Variants in TRIP12 observed in about 807,000 individuals in gnomAD.
TRIP12 encodes thyroid hormone receptor interactor 12.
In TRIP12, 25 loss-of-function variants were observed where a neutral mutation model predicts 244.2. That is an observed-to-expected ratio of 0.10 (90% confidence interval 0.07 to 0.14). The LOEUF (loss-of-function observed/expected upper bound fraction) is 0.14. Ranked by LOEUF, TRIP12 falls within the 10% of genes least tolerant of loss-of-function variation. The pLI is 1.00. For missense variants in TRIP12, 1,677 were observed against 2,486.4 expected, an observed-to-expected ratio of 0.67 and a Z score of 6.92; for synonymous variants, 905 against 873.1, an observed-to-expected ratio of 1.04 and a Z score of -0.64.
At chr2:229,860,638 T>C (rs2060312631) in intron 2 of TRIP12, 107 bp from the exon 3 acceptor site, 2 of 1,044,566 alleles carry the variant, frequency 1.9e-6, no homozygotes, top group Non-Finnish European at 2.6e-6. Context: ...CACAATTCAT[T>C]GTTGACCCTA....
chr2:229,779,737 T>C (rs2037475433), intron 34 of TRIP12, among the ~76,000 whole-genome samples: 2 of 152,178 alleles, frequency 1.3e-5, no homozygotes, highest in Non-Finnish European at 2.9e-5. Flanking sequence ...AAGATTCTGA[T>C]CTGGCAGGTA....
chr2:229,811,181 A>G lies in TRIP12; in HGVS notation c.2010T>C (p.Thr670=). The change falls in exon 14 of 42, where the codon ACT becomes ACC. Residue 670 remains threonine, a synonymous_variant. Coordinates refer to ENST00000675903, the MANE Select transcript of TRIP12 (RefSeq NM_001348323.3). The part of the protein sequence containing the change: ...THQDKKSVES[T]CLCFARLVDN... ...CCACTAGGCGTGCAAAACAAAGGCA[A>G]GTGCTTTCTACTGACTTTTTATCCT... 6.2e-7 allele frequency: 1 copy of G among 1,614,036 alleles called. No individual in the cohort carries two copies. Among genetic ancestry groups the G allele is most frequent in the African/African-American group, 1.3e-5 (1 of 75,050 alleles).
chr2:229,842,692 C>T (rs1435996458), intron 4 of TRIP12, among the ~76,000 whole-genome samples: 1 of 139,768 alleles, frequency 7.2e-6, no homozygotes, highest in East Asian at 2.3e-4. Context: ...TTATACATAC[C>T]ATGATACAGT....
intron 2 of TRIP12, among the ~76,000 whole-genome samples, chr2:229,873,413 A>G (rs1026958301): frequency 1.3e-5 from 2 of 152,206 alleles, no homozygotes; most frequent in African/African-American, 2.4e-5. Flanking sequence ...AAACTGAAAA[A>G]AGTAGCCATG....
At chr2:229,785,148 A>G (rs2039598893) in intron 34 of TRIP12, among the ~76,000 whole-genome samples, 1 of 152,242 alleles carries the variant, frequency 6.6e-6, no homozygotes, top group South Asian at 2.1e-4. Flanking sequence ...TGCAACATGG[A>G]TGAATCTCAA....
intron 15 of TRIP12, among the ~76,000 whole-genome samples, chr2:229,809,545 C>T (rs544594438): frequency 2.0e-5 from 3 of 152,236 alleles, no homozygotes; most frequent in East Asian, 3.9e-4. Flanking sequence ...ACAAAACATA[C>T]ATTAACAAGA....
In TRIP12 at chr2:229,767,610, G is replaced by C; in HGVS notation, c.6148C>G (p.Arg2050Gly). ...CTTGCTGCTATCAACAGTTTTTCAC[G>C]CATTATCTCAATGCTTGAATAGTCC... Reference protein sequence around the residue: ...LPDYSSIEIMREKLLIAAREG... With the variant: ...LPDYSSIEIMGEKLLIAAREG... The change falls in exon 42 of 42, where the codon CGT becomes GGT. Residue 2050 changes from arginine (R) to glycine (G), a missense_variant. This residue lies in a region of TRIP12 where 171 missense variants were observed against 388.4 expected (regional missense o/e 0.44). Transcript: ENST00000675903. 6.2e-7 allele frequency: 1 copy of C among 1,613,622 alleles called. No individual in the cohort carries two copies. The highest frequency in any genetic ancestry group is 8.5e-7 in the Non-Finnish European group (1 of 1,179,800).
At chr2:229,904,179 T>G (rs1299479637) in intron 1 of TRIP12, among the ~76,000 whole-genome samples, 1 of 152,076 alleles carries the variant, frequency 6.6e-6, no homozygotes, top group Non-Finnish European at 1.5e-5. Flanking sequence ...CCAGCATGGG[T>G]GGCCAAGGAG....
chr2:229,862,856 A>G (rs1392940938), intron 2 of TRIP12, among the ~76,000 whole-genome samples: 1 of 152,210 alleles, frequency 6.6e-6, no homozygotes, highest in Non-Finnish European at 1.5e-5. Context: ...CTTAGCATGT[A>G]AACTCTCTAT....
At position 229,768,597 on chromosome 2, in the gene TRIP12, A is replaced by C; in HGVS notation, c.6007+19T>G. ...CACCCATAGGTAGAATAAATGCTAAACATCAACATCGTACCCACCTCCAAC... is the reference window on the plus strand; with the variant it reads ...CACCCATAGGTAGAATAAATGCTAACCATCAACATCGTACCCACCTCCAAC... On this transcript the variant is annotated intron_variant, in intron 41 of 41. Transcript: ENST00000675903. 6.2e-7 allele frequency: 1 copy of C among 1,605,478 alleles called. No homozygotes were observed. Among genetic ancestry groups the C allele is most frequent in the Non-Finnish European group, 8.5e-7 (1 of 1,177,358 alleles).
At chr2:229,891,781 A>G (rs1295659646) in intron 1 of TRIP12, among the ~76,000 whole-genome samples, 1 of 152,214 alleles carries the variant, frequency 6.6e-6, no homozygotes, top group Non-Finnish European at 1.5e-5. Context: ...AACTCCCACA[A>G]TTAAAAACTG....
chr2:229,873,689 A>G (rs1218267048), intron 2 of TRIP12, among the ~76,000 whole-genome samples: 1 of 152,058 alleles, frequency 6.6e-6, no homozygotes, highest in Non-Finnish European at 1.5e-5. Flanking sequence ...ACACAACTCT[A>G]TTTCTTTCTA....
At chr2:229,909,637 T>C (rs1247142099) in intron 1 of TRIP12, among the ~76,000 whole-genome samples, 1 of 150,236 alleles carries the variant, frequency 6.7e-6, no homozygotes, top group East Asian at 2.0e-4. Flanking sequence ...GAGGACTGCA[T>C]GAGGCCAGGA....
In TRIP12 at chr2:229,851,525, C is replaced by T. The variant is rs184236740; in HGVS notation, c.1027+7247G>A. On this transcript the variant is annotated intron_variant, in intron 4 of 41. Coordinates refer to ENST00000675903, the MANE Select transcript of TRIP12 (RefSeq NM_001348323.3). ...GATAAGAGAATAAAAGCAGGCTGCC[C>T]GAGCCAGCAGTGGCAACCCGCTCGG... Among the ~76,000 whole-genome samples, 25 of 152,210 alleles carry T rather than the reference C, an allele frequency of 1.6e-4. No homozygotes were observed. The East Asian group carries it at 3.7e-3, about 22-fold the overall frequency.
At chr2:229,850,902 C>G (rs930708465) in intron 4 of TRIP12, among the ~76,000 whole-genome samples, 4 of 152,198 alleles carry the variant, frequency 2.6e-5, no homozygotes, top group African/African-American at 9.6e-5. Flanking sequence ...CCAGCAGTGC[C>G]AGACCACCGG....
intron 39 of TRIP12, 79 bp from the exon 40 acceptor site, chr2:229,769,404 C>T (rs1409035609): frequency 1.5e-6 from 2 of 1,312,828 alleles, no homozygotes; most frequent in African/African-American, 3.0e-5. Context: ...TCTACGTGTA[C>T]CATAAAAGAG....
intron 1 of TRIP12, among the ~76,000 whole-genome samples, chr2:229,884,393 T>C (rs2065560573): frequency 1.3e-5 from 2 of 151,676 alleles, no homozygotes; most frequent in African/African-American, 2.4e-5. Context: ...CCTACCACCA[T>C]ACCCGGCTAA....
chr2:229,808,951 A>G lies in TRIP12; in HGVS notation c.2222-582T>C, dbSNP rs116102187. Among the ~76,000 whole-genome samples, 657 of 152,306 alleles carry G rather than the reference A, an allele frequency of 4.3e-3. 6 individuals are homozygous for G. Among genetic ancestry groups the G allele is most frequent in the African/African-American group, 0.014 (591 of 41,566 alleles). ...AGGACTCTGCGTGATAACCACGCAG[A>G]TGTGCTGACACTGTGAGTGGAGGGA... On this transcript the variant is annotated intron_variant, in intron 15 of 41. Coordinates refer to ENST00000675903, the MANE Select transcript of TRIP12 (RefSeq NM_001348323.3).
intron 4 of TRIP12, among the ~76,000 whole-genome samples, chr2:229,844,369 G>A (rs1168203046): frequency 6.6e-6 from 1 of 152,100 alleles, no homozygotes; most frequent in African/African-American, 2.4e-5. Context: ...TACCAATACT[G>A]GAATGGCTTT....
Sources: gnomAD v4.1 joint callset for allele counts (sites outside exome capture counted in the v4.1 genomes callset) on GRCh38, gnomAD v4.1.1 for gene constraint, gnomAD v4.1.1 regional missense constraint, MANE v1.5 for transcripts, NCBI Gene and HGNC (gene_info 2026-07-23, HGNC 2026-07-21) for gene names.